The following PDE4B variants were observed in gnomAD, a reference collection of about 807,000 sequenced individuals.
PDE4B encodes 3',5'-cyclic-AMP phosphodiesterase 4B.
A neutral mutation model predicts 82.2 loss-of-function variants in PDE4B; 20 were observed. That is an observed-to-expected ratio of 0.24 (90% CI 0.17 to 0.35). The LOEUF (loss-of-function observed/expected upper bound fraction) is 0.35. Among genes scored for constraint, PDE4B ranks in the 10% least tolerant of loss-of-function variants. The pLI, the probability that PDE4B is intolerant of heterozygous loss-of-function variation, is 1.00. For missense variants in PDE4B, 655 were observed against 907.2 expected (o/e 0.72, Z 3.57); for synonymous variants, 320 against 318.9 (o/e 1.00, Z -0.04).
At chr1:65,935,250 G>A (rs1056085781) in intron 3 of PDE4B, among the ~76,000 whole-genome samples, 4 of 151,740 alleles carry the variant, frequency 2.6e-5, no homozygotes, top group South Asian at 4.2e-4. Flanking sequence ...ACACACTCCC[G>A]ATATCCTAGT....
intron 7 of PDE4B, among the ~76,000 whole-genome samples, chr1:66,306,500 G>T (rs989998268): frequency 5.3e-5 from 8 of 152,132 alleles, no homozygotes; most frequent in Non-Finnish European, 1.0e-4. Flanking sequence ...CAACTGGTGG[G>T]TTGTAGAAGT....
chr1:66,069,416 A>G (rs1443258408), intron 3 of PDE4B, among the ~76,000 whole-genome samples: 5 of 152,022 alleles, frequency 3.3e-5, no homozygotes, highest in Non-Finnish European at 7.4e-5. Context: ...ACTCTCCAAT[A>G]AGATGAATTG....
chr1:66,349,803 G>A (rs961224033), intron 8 of PDE4B, among the ~76,000 whole-genome samples: 1 of 152,126 alleles, frequency 6.6e-6, no homozygotes, highest in African/African-American at 2.4e-5. Flanking sequence ...TTTTAGACAA[G>A]CACACTATAT....
intron 3 of PDE4B, among the ~76,000 whole-genome samples, chr1:65,954,896 C>T (rs2100580752): frequency 6.6e-6 from 1 of 151,874 alleles, no homozygotes; most frequent in African/African-American, 2.4e-5. Flanking sequence ...AAAAAGTGTT[C>T]AAAATATTTG....
intron 7 of PDE4B, among the ~76,000 whole-genome samples, chr1:66,284,472 T>G (rs1656525049): frequency 6.6e-6 from 1 of 152,080 alleles, no homozygotes; most frequent in African/African-American, 2.4e-5. Context: ...TGAGAAATAG[T>G]TTTTAAGAGG....
intron 3 of PDE4B, among the ~76,000 whole-genome samples, chr1:65,977,540 C>A (rs1442905465): frequency 7.2e-5 from 11 of 152,110 alleles, no homozygotes; most frequent in Non-Finnish European, 1.5e-4. Flanking sequence ...AGTAATAACC[C>A]CTCAGTGAAT....
intron 7 of PDE4B, among the ~76,000 whole-genome samples, chr1:66,319,528 A>G (rs1659253660): frequency 6.6e-6 from 1 of 152,232 alleles, no homozygotes; most frequent in Admixed American, 6.5e-5. Flanking sequence ...AAATTCTGCT[A>G]CCAGAGCAAT....
chr1:66,113,363 A>G (rs1645527611), intron 3 of PDE4B, among the ~76,000 whole-genome samples: 1 of 152,250 alleles, frequency 6.6e-6, no homozygotes, highest in South Asian at 2.1e-4. Flanking sequence ...CTAATGATTT[A>G]TAAAACAAAA....
chr1:66,087,719 G>A (rs1038579967), intron 3 of PDE4B, among the ~76,000 whole-genome samples: 2 of 151,848 alleles, frequency 1.3e-5, no homozygotes, highest in Non-Finnish European at 2.9e-5. Flanking sequence ...TCCTTTGTAG[G>A]GACGTGGATG....
intron 3 of PDE4B, among the ~76,000 whole-genome samples, chr1:66,051,714 G>A (rs547753760): frequency 6.6e-6 from 1 of 152,142 alleles, no homozygotes; most frequent in East Asian, 1.9e-4. Flanking sequence ...GTTATTTGCT[G>A]ATTTGGATAA....
At chr1:65,793,693 C>T (rs1645600183) in intron 1 of PDE4B, among the ~76,000 whole-genome samples, 1 of 152,322 alleles carries the variant, frequency 6.6e-6, no homozygotes, top group African/African-American at 2.4e-5. Context: ...CTCCTGCGTG[C>T]CCTGGTGGCT....
In PDE4B at chr1:65,897,102, C is replaced by A. The variant is rs142477923; in HGVS notation, c.-70-16143C>A. Among the ~76,000 whole-genome samples, 714 of 152,204 alleles carry A rather than the reference C, an allele frequency of 4.7e-3. 25 individuals carry two copies. The highest frequency in any genetic ancestry group is 0.042 in the Admixed American group (648 of 15,258). ...CTGTTTCATTTAATCCTCAAAATAACCCTGTCAGATATATAGGATGCATTA... is the reference window on the plus strand; with the variant it reads ...CTGTTTCATTTAATCCTCAAAATAAACCTGTCAGATATATAGGATGCATTA... On this transcript the variant is annotated intron_variant, in intron 1 of 16. Coordinates refer to ENST00000341517, the MANE Select transcript of PDE4B (RefSeq NM_002600.4).
At chr1:65,947,344 T>G (rs1648765429) in intron 3 of PDE4B, among the ~76,000 whole-genome samples, 2 of 152,024 alleles carry the variant, frequency 1.3e-5, no homozygotes, top group South Asian at 4.1e-4. Context: ...GGTTAACAGG[T>G]GGTCCACAGT....
chr1:66,088,589 T>C (rs1644948100), intron 3 of PDE4B, among the ~76,000 whole-genome samples: 1 of 152,162 alleles, frequency 6.6e-6, no homozygotes, highest in Non-Finnish European at 1.5e-5. Flanking sequence ...CCCTATGCTA[T>C]ACTTGTATTT....
intron 3 of PDE4B, chr1:65,992,991 G>T: frequency 6.2e-7 from 1 of 1,614,000 alleles, no homozygotes; most frequent in South Asian, 1.1e-5. Context: ...AATGCATTTA[G>T]AACTTGAGCT....
chr1:66,342,296 G>A lies in PDE4B; in HGVS notation c.747+9676G>A, dbSNP rs74974482. Among the ~76,000 whole-genome samples, 119 of 152,066 alleles carry A rather than the reference G, an allele frequency of 7.8e-4. 2 individuals carry two copies. The East Asian group carries it at 0.022, about 28-fold the overall frequency. ...TATTTACATTTCAAAGTAGAACAAA[G>A]TAAAAGAAAATTCCTTAGTATATAA... On this transcript the variant is annotated intron_variant, in intron 8 of 16. Coordinates refer to ENST00000341517, the MANE Select transcript of PDE4B (RefSeq NM_002600.4).
chr1:65,955,561 A>G (rs1190954718), intron 3 of PDE4B, among the ~76,000 whole-genome samples: 1 of 152,170 alleles, frequency 6.6e-6, no homozygotes, highest in Non-Finnish European at 1.5e-5. Context: ...CCAAATTTGC[A>G]TGGGTAACAG....
chr1:66,027,926 C>A (rs958613934), intron 3 of PDE4B, among the ~76,000 whole-genome samples: 2 of 152,168 alleles, frequency 1.3e-5, no homozygotes, highest in African/African-American at 2.4e-5. Flanking sequence ...TGAGTATCTG[C>A]GACTTTTCCA....
At chr1:66,039,800 A>G (rs535900474) in intron 3 of PDE4B, among the ~76,000 whole-genome samples, 12 of 152,234 alleles carry the variant, frequency 7.9e-5, no homozygotes, top group African/African-American at 2.9e-4. Context: ...GAAGTATTTA[A>G]TAATTGGTAG....
Sources: gnomAD v4.1 joint callset for allele counts (sites outside exome capture counted in the v4.1 genomes callset) on GRCh38, gnomAD v4.1.1 for gene constraint, MANE v1.5 for transcripts, NCBI Gene and HGNC (gene_info 2026-07-23, HGNC 2026-07-21) for gene names.